The following PIK3C3 variants were observed in gnomAD, a reference collection of about 807,000 sequenced individuals.
PIK3C3 encodes PI3-kinase type 3.
In PIK3C3, 95 loss-of-function variants were observed where a neutral mutation model predicts 126.1. That is an observed-to-expected ratio of 0.75 (90% CI 0.64 to 0.89). The LOEUF is 0.89. PIK3C3 is among the 40% of genes least tolerant of loss of function. The pLI, the probability that PIK3C3 is intolerant of heterozygous loss-of-function variation, is 0.00. For synonymous variants in PIK3C3, 374 were observed against 360.0 expected (o/e 1.04, Z -0.44); for missense variants, 829 against 1,063.2 (o/e 0.78, Z 3.06).
chr18:42,018,784 C>A (rs1235915890), intron 12 of PIK3C3, among the ~76,000 whole-genome samples: 2 of 152,022 alleles, frequency 1.3e-5, no homozygotes, highest in Non-Finnish European at 2.9e-5. Flanking sequence ...TTTATTAGTA[C>A]CTGCAGTTCC....
chr18:42,035,679 G>A (rs1260558655), intron 16 of PIK3C3, among the ~76,000 whole-genome samples: 1 of 151,716 alleles, frequency 6.6e-6, no homozygotes, highest in East Asian at 1.9e-4. Context: ...TTGGCTCATG[G>A]ATGTCTTTGA....
At chr18:41,988,878 T>C (rs996831297) in intron 5 of PIK3C3, among the ~76,000 whole-genome samples, 1 of 152,144 alleles carries the variant, frequency 6.6e-6, no homozygotes, top group Non-Finnish European at 1.5e-5. Flanking sequence ...TACTAACTTA[T>C]ATTTTTCTCT....
intron 22 of PIK3C3, among the ~76,000 whole-genome samples, chr18:42,062,074 C>T (rs1354800751): frequency 6.6e-6 from 1 of 152,058 alleles, no homozygotes; most frequent in African/African-American, 2.4e-5. Flanking sequence ...ATCTAATGGG[C>T]AGCCAAGTTG....
intron 4 of PIK3C3, among the ~76,000 whole-genome samples, chr18:41,980,059 C>T (rs1203210438): frequency 1.3e-5 from 2 of 152,034 alleles, no homozygotes; most frequent in African/African-American, 2.4e-5. Flanking sequence ...CATTCTGGAT[C>T]AAATTACTTT....
intron 12 of PIK3C3, among the ~76,000 whole-genome samples, chr18:42,017,397 C>T (rs1378590182): frequency 6.6e-6 from 1 of 152,064 alleles, no homozygotes; most frequent in Non-Finnish European, 1.5e-5. Flanking sequence ...TTTATGAATT[C>T]CATGGGTCAT....
intron 10 of PIK3C3, among the ~76,000 whole-genome samples, chr18:42,013,036 T>A (rs559578634): frequency 6.6e-6 from 1 of 152,216 alleles, no homozygotes; most frequent in Admixed American, 6.5e-5. Context: ...TAGAATGCAC[T>A]CTTCTGATCC....
At chr18:42,038,874 T>C in intron 18 of PIK3C3, 24 bp downstream of exon 18, 1 of 1,412,730 alleles carries the variant, frequency 7.1e-7, no homozygotes, top group Non-Finnish European at 9.9e-7. Flanking sequence ...ACATCATTAT[T>C]ATTTACTTTA....
chr18:42,051,848 G>A (rs554001305), intron 21 of PIK3C3, among the ~76,000 whole-genome samples: 1 of 151,980 alleles, frequency 6.6e-6, no homozygotes, highest in East Asian at 1.9e-4. Context: ...AACTACAATG[G>A]AATTCTTTAA....
At chr18:41,999,675 A>T (rs1982191109) in intron 9 of PIK3C3, among the ~76,000 whole-genome samples, 1 of 152,214 alleles carries the variant, frequency 6.6e-6, no homozygotes. Context: ...CATAATTAAA[A>T]TTAGGAAGTA....
At chr18:42,042,699 TG>T (rs1197435312) in intron 19 of PIK3C3, among the ~76,000 whole-genome samples, 1 of 152,250 alleles carries the variant, frequency 6.6e-6, no homozygotes, top group African/African-American at 2.4e-5. Context: ...ATCTGATCTG[TG>T]TAAGTGATTT....
chr18:42,080,143 TTA>T (rs1385273941), intron 24 of PIK3C3, among the ~76,000 whole-genome samples: 1 of 152,180 alleles, frequency 6.6e-6, no homozygotes, highest in East Asian at 1.9e-4. Flanking sequence ...ATATGTGGTT[TTA>T]TATGAGTGCC....
At chr18:41,969,491 A>G (rs1980545430) in intron 3 of PIK3C3, among the ~76,000 whole-genome samples, 1 of 152,204 alleles carries the variant, frequency 6.6e-6, no homozygotes, top group Non-Finnish European at 1.5e-5. Context: ...GACAAAAACA[A>G]GACAAAGGTT....
chr18:42,072,605 C>G (rs1985821252), intron 24 of PIK3C3, among the ~76,000 whole-genome samples: 1 of 152,160 alleles, frequency 6.6e-6, no homozygotes, highest in South Asian at 2.1e-4. Context: ...AATAATGGTT[C>G]ACTGCAGCCT....
intron 24 of PIK3C3, among the ~76,000 whole-genome samples, chr18:42,077,568 G>A (rs1986078081): frequency 6.6e-6 from 1 of 152,200 alleles, no homozygotes; most frequent in Non-Finnish European, 1.5e-5. Flanking sequence ...ATCTGCTCAA[G>A]TTTTATCATG....
chr18:41,988,139 AG>A (rs66743432), intron 5 of PIK3C3, among the ~76,000 whole-genome samples: 12,272 of 152,170 alleles, frequency 0.081, 1,620 homozygotes, highest in African/African-American at 0.28. Context: ...ATATCATATG[AG>A]TGAAGCCTAT....
intron 4 of PIK3C3, among the ~76,000 whole-genome samples, chr18:41,977,082 A>G (rs879565724): frequency 1.3e-5 from 2 of 152,232 alleles, no homozygotes; most frequent in Non-Finnish European, 2.9e-5. Context: ...AGCAGTGTCT[A>G]CACTGCAGGT....
intron 7 of PIK3C3, among the ~76,000 whole-genome samples, chr18:41,993,852 G>A (rs1050730606): frequency 8.5e-5 from 13 of 152,186 alleles, no homozygotes; most frequent in Non-Finnish European, 1.5e-4. Flanking sequence ...TCTTATTAAC[G>A]AATTTTTGAG....
At chr18:42,028,526 A>G (rs1037575602) in intron 14 of PIK3C3, among the ~76,000 whole-genome samples, 2 of 152,198 alleles carry the variant, frequency 1.3e-5, no homozygotes, top group Admixed American at 1.3e-4. Context: ...TTGATGTTTC[A>G]TGCTTTTAAA....
intron 1 of PIK3C3, 28 bp downstream of exon 1, chr18:41,955,387 G>A (rs747254432): frequency 6.3e-7 from 1 of 1,588,852 alleles, no homozygotes; most frequent in Non-Finnish European, 8.6e-7. Context: ...ACAGGGAGTG[G>A]GATTGCTGGG....
Sources: gnomAD v4.1 joint callset for allele counts (sites outside exome capture counted in the v4.1 genomes callset) on GRCh38, gnomAD v4.1.1 for gene constraint, MANE v1.5 for transcripts, NCBI Gene and HGNC (gene_info 2026-07-23, HGNC 2026-07-21) for gene names.